PAK4: variants seen among roughly 807,000 people sequenced by gnomAD.
The protein encoded by PAK4 is p21 (RAC1) activated kinase 4, also known as serine/threonine-protein kinase PAK 4.
In PAK4, 49 loss-of-function variants were observed where a neutral mutation model predicts 53.5. The observed-to-expected ratio is 0.92, with a 90% CI of 0.73 to 1.16. The LOEUF is 1.16. Ranked by LOEUF, PAK4 falls within the 50% of genes most tolerant of loss-of-function variation. The pLI is 0.00. For synonymous variants in PAK4, 376 were observed against 375.6 expected, an observed-to-expected ratio of 1.00 and a Z score of -0.01; for missense variants, 824 against 850.7, an observed-to-expected ratio of 0.97 and a Z score of 0.39.
chr19:39,139,000 G>C (rs2073866366), intron 1 of PAK4, among the ~76,000 whole-genome samples: 1 of 152,096 alleles, frequency 6.6e-6, no homozygotes, highest in Non-Finnish European at 1.5e-5. Context: ...GAGGGCAGCA[G>C]GTGTGATGGA....
In PAK4 at chr19:39,173,142, G is replaced by A; in HGVS notation, c.429G>A (p.Glu143=). Residue 143 remains glutamate, a synonymous_variant, in exon 3 of 9, where the codon GAG becomes GAA. Coordinates refer to ENST00000358301, the Ensembl canonical transcript of PAK4. The surrounding 1 kb of genome is among the most constrained non-coding windows in gnomAD (Gnocchi z 6.9). ...GAGGCCGGTTCGCCGGTCACAGCGA[G>A]GCGGGTGGCGGCAGTGGTGACAGGC... The A allele has an allele frequency of 1.3e-6, 2 of 1,543,292 alleles. No homozygotes were observed. Among genetic ancestry groups the A allele is most frequent in the Non-Finnish European group, 1.8e-6 (2 of 1,142,544 alleles).
At chr19:39,176,905 G>GT (rs2074617459) in intron 7 of PAK4, among the ~76,000 whole-genome samples, 190 bp downstream of exon 8, 1 of 151,644 alleles carries the variant, frequency 6.6e-6, no homozygotes, top group African/African-American at 2.4e-5. Flanking sequence ...GTCTCGCTCT[G>GT]TTGCCCAGGC....
intron 1 of PAK4, among the ~76,000 whole-genome samples, chr19:39,137,740 C>T (rs1428633966): frequency 2.0e-5 from 3 of 151,540 alleles, no homozygotes; most frequent in Non-Finnish European, 2.9e-5. Context: ...GATCTTGGCT[C>T]ACTACAACCT....
In PAK4 at chr19:39,161,809, G is replaced by A. The variant is rs2074289377; in HGVS notation, c.-22-7723G>A. Among the ~76,000 whole-genome samples, 1 of 151,922 alleles carries A rather than the reference G, an allele frequency of 6.6e-6. No homozygotes were observed. Among genetic ancestry groups the A allele is most frequent in the Non-Finnish European group, 1.5e-5 (1 of 67,992 alleles). ...CCTCGCTGTCCCTTGACCATATCAA[G>A]CAAATTCCTACCGCCCTGGCTGTTC... On this transcript the variant is annotated intron_variant, in intron 1 of 8. Coordinates refer to ENST00000358301, the Ensembl canonical transcript of PAK4. The surrounding 1 kb of genome is among the most constrained non-coding windows in gnomAD (Gnocchi z 4.5).
intron 1 of PAK4, among the ~76,000 whole-genome samples, chr19:39,162,665 G>A (rs906962133): frequency 6.6e-6 from 1 of 152,152 alleles, no homozygotes; most frequent in East Asian, 1.9e-4. Context: ...CGACTTAGTA[G>A]ATGTTTTTCT....
At position 39,173,058 on chromosome 19, in the gene PAK4, T is replaced by C. The variant is rs968609689; in HGVS notation, c.345T>C (p.Asn115=). Residue 115 remains asparagine (N), a synonymous_variant, in exon 3 of 9, where the codon AAT becomes AAC. Coordinates refer to ENST00000358301, the Ensembl canonical transcript of PAK4. This position sits in a 1 kb window ranked among gnomAD's most constrained non-coding sequence, Gnocchi z 6.9. Reference sequence around the variant, plus strand: ...CGCCCGCCCGTGCCCGCCAGGAAAATGGGATGCCAGAGGAGCCGGCCACCA... The same window carrying C: ...CGCCCGCCCGTGCCCGCCAGGAAAACGGGATGCCAGAGGAGCCGGCCACCA... 7.7e-6 allele frequency: 12 copies of C among 1,548,630 alleles called. No individual in the cohort carries two copies. The highest frequency in any genetic ancestry group is 1.0e-5 in the Non-Finnish European group (12 of 1,146,684).
intron 1 of PAK4, among the ~76,000 whole-genome samples, chr19:39,128,193 T>C (rs2073627156): frequency 6.6e-6 from 1 of 152,184 alleles, no homozygotes; most frequent in South Asian, 2.1e-4. Context: ...CCTCATAGAA[T>C]TGCTGTGAGG....
intron 1 of PAK4, among the ~76,000 whole-genome samples, chr19:39,126,603 C>G (rs1053504007): frequency 6.6e-6 from 1 of 152,090 alleles, no homozygotes; most frequent in African/African-American, 2.4e-5. Context: ...TCACTATAGT[C>G]TTAGGGGGTC....
intron 1 of PAK4, among the ~76,000 whole-genome samples, chr19:39,166,946 G>A (rs796561387): frequency 5.9e-5 from 9 of 152,340 alleles, no homozygotes; most frequent in African/African-American, 2.2e-4. Flanking sequence ...CAGAGGGAAG[G>A]GGTGGCCCCA....
intron 1 of PAK4, among the ~76,000 whole-genome samples, chr19:39,126,631 G>A (rs1203808986): frequency 6.6e-6 from 1 of 152,136 alleles, no homozygotes; most frequent in Admixed American, 6.5e-5. Context: ...GGTATTAAGA[G>A]GTTAAGTGAT....
intron 1 of PAK4, among the ~76,000 whole-genome samples, chr19:39,131,124 A>G (rs2073702225): frequency 6.6e-6 from 1 of 152,156 alleles, no homozygotes; most frequent in Admixed American, 6.5e-5. Context: ...TTAAGGTCAC[A>G]CAGCAGGCAG....
chr19:39,162,955 G>C (rs938415735), intron 1 of PAK4, among the ~76,000 whole-genome samples: 3 of 152,176 alleles, frequency 2.0e-5, no homozygotes, highest in Non-Finnish European at 4.4e-5. Context: ...CCTGAAGAGA[G>C]ATGTGGTTAG....
chr19:39,178,558 G>A lies in PAK4; in HGVS notation c.1755G>A (p.Met585Ile), dbSNP rs1266769169. The A allele has an allele frequency of 6.2e-7, 1 of 1,606,624 alleles. No individual in the cohort carries two copies. The highest frequency in any genetic ancestry group is 8.5e-7 in the Non-Finnish European group (1 of 1,176,718). ...CGCCTGCCAGCATCGTGCCCCTCAT[G>A]CGCCAGAACCGCACCAGATGAGGCC... Residue 585 changes from methionine to isoleucine, a missense_variant, in exon 9 of 9, where the codon ATG becomes ATA. Transcript: ENST00000358301. This position sits in a 1 kb window ranked among gnomAD's most constrained non-coding sequence, Gnocchi z 4.4.
chr19:39,169,621 C>T, exon 2 of PAK4: 2 of 1,613,764 alleles, frequency 1.2e-6, no homozygotes, highest in Non-Finnish European at 1.7e-6. Context: ...CGCGTGCACA[C>T]GGGCTTCGAC....
intron 1 of PAK4, among the ~76,000 whole-genome samples, chr19:39,164,325 C>T (rs1228096941): frequency 6.6e-6 from 1 of 151,360 alleles, no homozygotes; most frequent in Non-Finnish European, 1.5e-5. Context: ...CACAAGCACG[C>T]CATATATGTG....
intron 1 of PAK4, among the ~76,000 whole-genome samples, chr19:39,162,142 G>A (rs1040641141): frequency 3.0e-4 from 44 of 147,704 alleles, no homozygotes; most frequent in African/African-American, 1.0e-3. Context: ...TGTATTTTTA[G>A]TGGAGATGGG....
chr19:39,172,693 G>A (rs966232323), intron 2 of PAK4, among the ~76,000 whole-genome samples: 9 of 152,266 alleles, frequency 5.9e-5, no homozygotes, highest in Non-Finnish European at 1.0e-4. Context: ...GAGCCCAGGG[G>A]GCAGCAGCCT....
At chr19:39,170,093 C>A (rs2074450742) in intron 2 of PAK4, among the ~76,000 whole-genome samples, 1 of 152,288 alleles carries the variant, frequency 6.6e-6, no homozygotes, top group East Asian at 1.9e-4. Context: ...TCTCACCCAA[C>A]CTTGAGCCTT....
At chr19:39,154,859 C>T (rs2074150943) in intron 1 of PAK4, among the ~76,000 whole-genome samples, 1 of 151,730 alleles carries the variant, frequency 6.6e-6, no homozygotes, top group South Asian at 2.1e-4. Flanking sequence ...ATCTAGGCCC[C>T]TAGACCTGCC....
Sources: allele counts gnomAD v4.1 joint callset (sites outside exome capture counted in the v4.1 genomes callset), GRCh38; gene constraint gnomAD v4.1.1; non-coding constraint Gnocchi (gnomAD v3.1); transcripts MANE v1.5; gene names NCBI Gene and HGNC (gene_info 2026-07-23, HGNC 2026-07-21).